FNTB: variants seen among roughly 807,000 people sequenced by gnomAD.
The protein encoded by FNTB is farnesyltransferase, CAAX box, subunit beta, also known as protein farnesyltransferase subunit beta.
In FNTB, 27 loss-of-function variants were observed where a neutral mutation model predicts 59.4. The ratio of observed to expected loss-of-function variants is 0.45; its 90% confidence interval spans 0.34 to 0.63. The LOEUF (loss-of-function observed/expected upper bound fraction) is 0.63, where lower values mean the gene tolerates loss of function less well. FNTB is among the 20% of genes least tolerant of loss of function. The pLI, the probability that FNTB is intolerant of heterozygous loss-of-function variation, is 0.02. For missense variants in FNTB, 449 were observed against 559.6 expected (o/e 0.80, Z 1.99); for synonymous variants, 230 against 220.7 (o/e 1.04, Z -0.37).
chr14:65,043,509 A>C (rs190117936), intron 8 of FNTB, among the ~76,000 whole-genome samples: 1 of 152,350 alleles, frequency 6.6e-6, no homozygotes, highest in East Asian at 1.9e-4. Context: ...AGTCAGGAGC[A>C]GTTTGAGATC....
chr14:65,004,059 T>C (rs896018604), intron 1 of FNTB, among the ~76,000 whole-genome samples, 190 bp from the exon 2 acceptor site: 4 of 152,210 alleles, frequency 2.6e-5, no homozygotes, highest in Non-Finnish European at 5.9e-5. Flanking sequence ...GATGCCAGCA[T>C]GGTACAGGGG....
At chr14:65,015,438 A>C in intron 3 of FNTB, 187 bp from the exon 4 acceptor site, 1 of 319,628 alleles carries the variant, frequency 3.1e-6, no homozygotes, top group Non-Finnish European at 5.6e-6. Flanking sequence ...TTTTTTTAAC[A>C]GATGGTCATT....
intron 1 of FNTB, among the ~76,000 whole-genome samples, chr14:64,992,106 C>CTGAT (rs1400298352): frequency 1.3e-5 from 2 of 152,120 alleles, no homozygotes; most frequent in Non-Finnish European, 2.9e-5. Context: ...TTTTATGCCT[C>CTGAT]TGATAGAAGG....
At chr14:65,019,772 G>T (rs1595035370) in intron 4 of FNTB, among the ~76,000 whole-genome samples, 1 of 152,254 alleles carries the variant, frequency 6.6e-6, no homozygotes, top group Non-Finnish European at 1.5e-5. Context: ...TTACTTCTAG[G>T]TGCAGAAAAC....
intron 1 of FNTB, among the ~76,000 whole-genome samples, chr14:64,993,648 C>A (rs1888285721): frequency 6.6e-6 from 1 of 152,252 alleles, no homozygotes; most frequent in South Asian, 2.1e-4. Context: ...AATCTACTTT[C>A]TGAAACATTC....
rs1027778164 is a variant in FNTB at position 64,994,867 on chromosome 14, G to A, written c.144+7770G>A. Reference sequence around the variant, plus strand: ...TAAGCTACACTAAATTTATTCATACGCTTTTTTCTTTCAATAATAAATTAA... The same window carrying A: ...TAAGCTACACTAAATTTATTCATACACTTTTTTCTTTCAATAATAAATTAA... On this transcript the variant is annotated intron_variant, in intron 1 of 11. Transcript: ENST00000246166. This position sits in a 1 kb window ranked among gnomAD's most constrained non-coding sequence, Gnocchi z 4.2. Among the ~76,000 whole-genome samples, 3 of 152,014 alleles carry A rather than the reference G, an allele frequency of 2.0e-5. No individual in the cohort carries two copies. Among genetic ancestry groups the A allele is most frequent in the Non-Finnish European group, 4.4e-5 (3 of 67,990 alleles).
At position 65,037,403 on chromosome 14, in the gene FNTB, C is replaced by CTTTTTTTTT. The variant is rs1555335876; in HGVS notation, c.693-3352_693-3344dup. On this transcript the variant is annotated intron_variant, in intron 7 of 11. Coordinates refer to ENST00000246166, the MANE Select transcript of FNTB (RefSeq NM_002028.4). ...TAGGCGTGAGCCACCACGCCGGGCC[C>CTTTTTTTTT]TTTTTTTTTTTTTTTTTTTTTTTTT... Among the ~76,000 whole-genome samples, 99 of 29,672 alleles carry CTTTTTTTTT rather than the reference C, an allele frequency of 3.3e-3. 17 individuals are homozygous for CTTTTTTTTT. Among genetic ancestry groups the CTTTTTTTTT allele is most frequent in the Non-Finnish European group, 6.2e-3 (85 of 13,690 alleles). The allele number at this position is 29,672 out of a possible 152,430, so 19.5% of individuals were successfully genotyped here. A position where few individuals can be genotyped will look rare whatever the true frequency, so the allele number is the denominator to read the frequency against.
chr14:65,004,803 C>T (rs1256395755), intron 2 of FNTB, among the ~76,000 whole-genome samples: 1 of 152,104 alleles, frequency 6.6e-6, no homozygotes, highest in African/African-American at 2.4e-5. Context: ...GCTGGGATTA[C>T]AGGCACCCAC....
Position 64,991,032 on chromosome 14 carries a change from GC to G in FNTB, c.144+3936del, listed in dbSNP as rs985264015. On this transcript the variant is annotated intron_variant, in intron 1 of 11. Coordinates refer to ENST00000246166, the MANE Select transcript of FNTB (RefSeq NM_002028.4). The surrounding 1 kb of genome is among the most constrained non-coding windows in gnomAD (Gnocchi z 4.4). ...TTGTGCCATCTGGAATCATCCCATT[GC>G]AGACACTCTGATTCAGGCCAGTAGG... Among the ~76,000 whole-genome samples, 8 of 152,166 alleles carry G rather than the reference GC, an allele frequency of 5.3e-5. No homozygotes were observed. The highest frequency in any genetic ancestry group is 1.4e-4 in the African/African-American group (6 of 41,430).
In FNTB at chr14:65,031,979, C is replaced by CGTGTGT. The variant is rs563468928; in HGVS notation, c.606-596_606-591dup. Among the ~76,000 whole-genome samples the CGTGTGT allele has an allele frequency of 0.029, 4,064 of 141,232 alleles. 111 individuals are homozygous for CGTGTGT. The highest frequency in any genetic ancestry group is 0.065 in the African/African-American group (2,452 of 37,858). 92.7% of individuals were successfully genotyped at this position (141,232 alleles called of 152,430 possible). A position where few individuals can be genotyped will look rare whatever the true frequency, so the allele number is the denominator to read the frequency against. ...ATAGACGTGCGCCTTTTTCATTTAA[C>CGTGTGT]GTGTGTGTGTGTGTGTGTGTGTGTG... On this transcript the variant is annotated intron_variant, in intron 6 of 11. Transcript: ENST00000246166. This position sits in a 1 kb window ranked among gnomAD's most constrained non-coding sequence, Gnocchi z 4.6.
intron 8 of FNTB, among the ~76,000 whole-genome samples, chr14:65,043,828 CAAAAAAAAA>C (rs749243788): frequency 3.6e-4 from 23 of 64,244 alleles, no homozygotes; most frequent in East Asian, 2.6e-3. Flanking sequence ...GACTCCGTCT[CAAAAAAAAA>C]AAAAAAAAAA....
chr14:65,013,650 C>T (rs185840447), intron 3 of FNTB, among the ~76,000 whole-genome samples: 10 of 152,266 alleles, frequency 6.6e-5, no homozygotes, highest in African/African-American at 1.9e-4. Flanking sequence ...CAGGTTCAAG[C>T]GATTCTCTTG....
rs1367500817 is a variant in FNTB at position 65,011,576 on chromosome 14, G to A, written c.210-741G>A. ...TGTTTCTGTAATCTGCAAGCACGGG[G>A]AACATCTTGACAATCTGTGCTTTTT... On this transcript the variant is annotated intron_variant, in intron 2 of 11. Coordinates refer to ENST00000246166, the MANE Select transcript of FNTB (RefSeq NM_002028.4). The surrounding 1 kb of genome is among the most constrained non-coding windows in gnomAD (Gnocchi z 4.0). Among the ~76,000 whole-genome samples, 2 of 152,196 alleles carry A rather than the reference G, an allele frequency of 1.3e-5. No individual in the cohort carries two copies. Among genetic ancestry groups the A allele is most frequent in the African/African-American group, 2.4e-5 (1 of 41,438 alleles).
intron 9 of FNTB, among the ~76,000 whole-genome samples, chr14:65,052,808 T>C (rs1042864976): frequency 6.6e-6 from 1 of 152,220 alleles, no homozygotes; most frequent in African/African-American, 2.4e-5. Context: ...TTAAGAGTTC[T>C]CTGAGCTAAT....
At chr14:65,059,325 A>C (rs977936724) in intron 11 of FNTB, among the ~76,000 whole-genome samples, 21 of 149,236 alleles carry the variant, frequency 1.4e-4, no homozygotes, top group Non-Finnish European at 3.1e-4. Context: ...TGGCCCCCGC[A>C]CTAGCCCCTT....
In FNTB at chr14:65,054,807, C is replaced by A; in HGVS notation, c.1182+118C>A. 1 of 1,124,788 alleles carries A rather than the reference C, an allele frequency of 8.9e-7. No homozygotes were observed. Among genetic ancestry groups the A allele is most frequent in the Non-Finnish European group, 1.3e-6 (1 of 789,230 alleles). The allele number at this position is 1,124,788 out of a possible 1,614,324, so 69.7% of individuals were successfully genotyped here. A position where few individuals can be genotyped will look rare whatever the true frequency, so the allele number is the denominator to read the frequency against. On this transcript the variant is annotated intron_variant, in intron 11 of 11. Transcript: ENST00000246166. The surrounding 1 kb of genome is among the most constrained non-coding windows in gnomAD (Gnocchi z 4.4). Reference sequence around the variant, plus strand: ...GTGTGGACAGGCGGAAGCTTGTGGTCCCTCTGCCCTTCGAGCTGTGCAGCC... The same window carrying A: ...GTGTGGACAGGCGGAAGCTTGTGGTACCTCTGCCCTTCGAGCTGTGCAGCC...
chr14:65,029,162 G>A lies in FNTB; in HGVS notation c.605+1381G>A, dbSNP rs1007899974. ...GGGTGATGCTCTGCCATTCGTGCCC[G>A]TGCTTTCTATTTACATAAAGGATTA... On this transcript the variant is annotated intron_variant, in intron 6 of 11. Coordinates refer to ENST00000246166, the MANE Select transcript of FNTB (RefSeq NM_002028.4). The surrounding 1 kb of genome is among the most constrained non-coding windows in gnomAD (Gnocchi z 4.7). Among the ~76,000 whole-genome samples, 2 of 152,148 alleles carry A rather than the reference G, an allele frequency of 1.3e-5. No homozygotes were observed. Among genetic ancestry groups the A allele is most frequent in the East Asian group, 1.9e-4 (1 of 5,200 alleles).
At chr14:65,043,969 C>G (rs567517256) in intron 8 of FNTB, among the ~76,000 whole-genome samples, 32 of 151,820 alleles carry the variant, frequency 2.1e-4, no homozygotes, top group African/African-American at 7.2e-4. Context: ...CAACTTAAGC[C>G]ATGTTTATTA....
In FNTB at chr14:65,027,220, G is replaced by A. The variant is rs948012154; in HGVS notation, c.375-233G>A. ...CCCAGCCTTGTGTTCCCTGCTTCAT[G>A]ACCAACAAGCGCTTAAGTACGAAAC... On this transcript the variant is annotated intron_variant, in intron 4 of 11. Coordinates refer to ENST00000246166, the MANE Select transcript of FNTB (RefSeq NM_002028.4). This position sits in a 1 kb window ranked among gnomAD's most constrained non-coding sequence, Gnocchi z 5.7. Among the ~76,000 whole-genome samples the A allele has an allele frequency of 1.3e-5, 2 of 152,184 alleles. No homozygotes were observed. Among genetic ancestry groups the A allele is most frequent in the African/African-American group, 4.8e-5 (2 of 41,460 alleles).
Sources: allele counts gnomAD v4.1 joint callset (sites outside exome capture counted in the v4.1 genomes callset), GRCh38; gene constraint gnomAD v4.1.1; non-coding constraint Gnocchi (gnomAD v3.1); transcripts MANE v1.5; gene names NCBI Gene and HGNC (gene_info 2026-07-23, HGNC 2026-07-21).